OXR1: variants seen among roughly 807,000 people sequenced by gnomAD.
OXR1 encodes the protein oxidation resistance 1.
OXR1 carries 41 observed loss-of-function variants against 104.6 expected under a neutral mutation model. The observed-to-expected ratio is 0.39, with a 90% CI of 0.31 to 0.51. The LOEUF (loss-of-function observed/expected upper bound fraction) is 0.51, where lower values mean the gene tolerates loss of function less well. OXR1 is among the 20% of genes least tolerant of loss of function. OXR1 has a pLI of 0.77. For synonymous variants in OXR1, 348 were observed against 348.4 expected, an observed-to-expected ratio of 1.00 and a Z score of 0.01; for missense variants, 955 against 1,031.9, an observed-to-expected ratio of 0.93 and a Z score of 1.02.
At chr8:106,550,662 C>G (rs533999855) in intron 3 of OXR1, among the ~76,000 whole-genome samples, 1 of 152,122 alleles carries the variant, frequency 6.6e-6, no homozygotes, top group African/African-American at 2.4e-5. Flanking sequence ...TTTCCCTGCT[C>G]TTGATCATTC....
intron 11 of OXR1, among the ~76,000 whole-genome samples, chr8:106,737,133 G>C (rs1587292390): frequency 6.6e-6 from 1 of 151,942 alleles, no homozygotes; most frequent in Non-Finnish European, 1.5e-5. Flanking sequence ...ATTTGGAGGG[G>C]GTAGTTGAAA....
Position 106,577,197 on chromosome 8 carries a change from T to C in OXR1, c.220+58058T>C, listed in dbSNP as rs376469414. On this transcript the variant is annotated intron_variant, in intron 3 of 16. Coordinates refer to ENST00000517566, the MANE Select transcript of OXR1 (RefSeq NM_001198533.2). ...TCACAGACCCAAAGCTATCCGTTTT[T>C]TTTGTTTTGTTTTGTTTTTTGTTTT... Among the ~76,000 whole-genome samples, 75 of 151,236 alleles carry C rather than the reference T, an allele frequency of 5.0e-4. No individual in the cohort carries two copies. In the South Asian group the frequency reaches 6.4e-3, roughly 13 times the overall value.
At chr8:106,733,363 T>C (rs1323842696) in intron 11 of OXR1, among the ~76,000 whole-genome samples, 1 of 152,222 alleles carries the variant, frequency 6.6e-6, no homozygotes, top group Non-Finnish European at 1.5e-5. Flanking sequence ...CTCTCATCTA[T>C]CCTGGCTAGA....
chr8:106,394,477 G>T (rs572598511), intron 2 of OXR1, among the ~76,000 whole-genome samples: 19 of 151,940 alleles, frequency 1.3e-4, no homozygotes, highest in Non-Finnish European at 2.8e-4. Context: ...AAATATCATT[G>T]TGCATTCTGA....
At chr8:106,383,538 A>T (rs1002681760) in intron 2 of OXR1, among the ~76,000 whole-genome samples, 2 of 152,198 alleles carry the variant, frequency 1.3e-5, no homozygotes, top group Admixed American at 6.5e-5. Flanking sequence ...ATTATTTTGC[A>T]TGTGTTTGAT....
At chr8:106,478,669 T>C (rs1015084102) in intron 2 of OXR1, among the ~76,000 whole-genome samples, 1 of 151,788 alleles carries the variant, frequency 6.6e-6, no homozygotes, top group Non-Finnish European at 1.5e-5. Flanking sequence ...TAGAGTGAGA[T>C]GTCAATGCCT....
intron 11 of OXR1, among the ~76,000 whole-genome samples, 190 bp from the exon 12 acceptor site, chr8:106,737,330 A>AATCATTC (rs1360168259): frequency 6.6e-6 from 1 of 152,044 alleles, no homozygotes; most frequent in Admixed American, 6.6e-5. Context: ...TAGTAGTGAA[A>AATCATTC]ATCATTCATG....
intron 3 of OXR1, among the ~76,000 whole-genome samples, chr8:106,580,719 C>G (rs1818166089): frequency 6.6e-6 from 1 of 152,090 alleles, no homozygotes; most frequent in South Asian, 2.1e-4. Flanking sequence ...AATTTCTCCA[C>G]ATTCTCACCA....
At chr8:106,598,310 G>C (rs867160613) in intron 3 of OXR1, among the ~76,000 whole-genome samples, 1 of 152,130 alleles carries the variant, frequency 6.6e-6, no homozygotes, top group South Asian at 2.1e-4. Context: ...GTCTTATAAG[G>C]TATCTCCTTC....
At chr8:106,703,607 C>G (rs1448621062) in intron 8 of OXR1, among the ~76,000 whole-genome samples, 1 of 151,976 alleles carries the variant, frequency 6.6e-6, no homozygotes, top group Non-Finnish European at 1.5e-5. Flanking sequence ...AAACCCACAA[C>G]TTGCTCAAAT....
At chr8:106,523,615 G>A (rs895752733) in intron 3 of OXR1, among the ~76,000 whole-genome samples, 3 of 152,100 alleles carry the variant, frequency 2.0e-5, no homozygotes, top group African/African-American at 4.8e-5. Flanking sequence ...AATGGGCTAT[G>A]ACCTGAAGTT....
intron 2 of OXR1, among the ~76,000 whole-genome samples, chr8:106,429,785 G>A (rs1819286514): frequency 6.6e-6 from 1 of 151,874 alleles, no homozygotes; most frequent in Non-Finnish European, 1.5e-5. Context: ...TTTCCACCAG[G>A]GATGGTTGGT....
intron 3 of OXR1, among the ~76,000 whole-genome samples, chr8:106,544,364 G>C (rs1815187899): frequency 6.6e-6 from 1 of 152,118 alleles, no homozygotes; most frequent in South Asian, 2.1e-4. Flanking sequence ...ATTTTTGTTA[G>C]AAAGTTTGAT....
intron 3 of OXR1, among the ~76,000 whole-genome samples, chr8:106,669,172 G>A (rs578180617): frequency 6.6e-6 from 1 of 151,954 alleles, no homozygotes; most frequent in Non-Finnish European, 1.5e-5. Flanking sequence ...TGCAGAAGAA[G>A]TCTCTTGGAT....
At chr8:106,396,891 A>G (rs1445976787) in intron 2 of OXR1, among the ~76,000 whole-genome samples, 1 of 152,124 alleles carries the variant, frequency 6.6e-6, no homozygotes, top group Non-Finnish European at 1.5e-5. Flanking sequence ...TAAATCTAAA[A>G]TTATTTAAAA....
Position 106,705,139 on chromosome 8 carries a change from T to C in OXR1, c.861-1243T>C, listed in dbSNP as rs750981562. Among the ~76,000 whole-genome samples, 5 of 152,332 alleles carry C rather than the reference T, an allele frequency of 3.3e-5. No homozygotes were observed. The South Asian group carries it at 1.0e-3, about 32-fold the overall frequency. Reference sequence around the variant, plus strand: ...TAAATATATATCCTGTCACGTTTGTTATGTTTATCTCTTACCTAAGGGTCT... The same window carrying C: ...TAAATATATATCCTGTCACGTTTGTCATGTTTATCTCTTACCTAAGGGTCT... On this transcript the variant is annotated intron_variant, in intron 8 of 16. Transcript: ENST00000517566.
At chr8:106,628,778 T>C (rs1822398279) in intron 3 of OXR1, among the ~76,000 whole-genome samples, 2 of 152,188 alleles carry the variant, frequency 1.3e-5, no homozygotes, top group African/African-American at 2.4e-5. Context: ...CTCTGATCTG[T>C]TGGCACTTCA....
At chr8:106,392,144 A>G (rs1817607024) in intron 2 of OXR1, among the ~76,000 whole-genome samples, 2 of 152,212 alleles carry the variant, frequency 1.3e-5, no homozygotes, top group African/African-American at 4.8e-5. Context: ...AGGACTTACA[A>G]ATAACCCAAT....
chr8:106,667,137 A>T (rs80044967), intron 3 of OXR1, among the ~76,000 whole-genome samples: 6,378 of 152,260 alleles, frequency 0.042, 185 homozygotes, highest in Non-Finnish European at 0.062. Context: ...CAGGGTACAC[A>T]TTAGAATTCC....
Sources: gnomAD v4.1 joint callset for allele counts (sites outside exome capture counted in the v4.1 genomes callset) on GRCh38, gnomAD v4.1.1 for gene constraint, MANE v1.5 for transcripts, NCBI Gene and HGNC (gene_info 2026-07-23, HGNC 2026-07-21) for gene names.